ANXA6: variants seen among roughly 807,000 people sequenced by gnomAD.
ANXA6 encodes the protein 67 kDa calelectrin.
A neutral mutation model predicts 95.4 loss-of-function variants in ANXA6; 71 were observed. The ratio of observed to expected loss-of-function variants is 0.74; its 90% CI spans 0.61 to 0.91. The LOEUF is 0.91. ANXA6 is among the 40% of genes least tolerant of loss of function. The pLI, the probability that ANXA6 is intolerant of heterozygous loss-of-function variation, is 0.00. For synonymous variants in ANXA6, 289 were observed against 315.9 expected (o/e 0.91, Z 0.90); for missense variants, 830 against 876.4 (o/e 0.95, Z 0.67).
chr5:151,112,716 T>TG, intron 20 of ANXA6, among the ~76,000 whole-genome samples: 1 of 152,150 alleles, frequency 6.6e-6, no homozygotes, highest in African/African-American at 2.4e-5. Flanking sequence ...CCCAGCTACT[T>TG]GGGGGGCTGA....
intron 23 of ANXA6, among the ~76,000 whole-genome samples, chr5:151,106,630 T>A (rs1764701592): frequency 6.6e-6 from 1 of 152,184 alleles, no homozygotes; most frequent in Admixed American, 6.5e-5. Context: ...ATTTCCTATC[T>A]GCCCTTCACT....
rs1159414866 is a variant in ANXA6, at chr5:151,137,027, G to A, written c.409+204C>T. ...CTCATTATCTCATTGGCCTAAGAGA[G>A]AGGGACCCCTTTGGTTTTATCCCGA... On this transcript the variant is annotated intron_variant, in intron 6 of 25. Transcript: ENST00000354546. Among the ~76,000 whole-genome samples, 3 of 152,200 alleles carry A rather than the reference G, an allele frequency of 2.0e-5. No homozygotes were observed. In the East Asian group the frequency reaches 5.8e-4, roughly 29 times the overall value.
At chr5:151,153,332 A>G (rs1263457452) in intron 1 of ANXA6, among the ~76,000 whole-genome samples, 1 of 152,204 alleles carries the variant, frequency 6.6e-6, no homozygotes, top group Non-Finnish European at 1.5e-5. Flanking sequence ...TTCTGACTCA[A>G]CTGCTGGGGT....
intron 20 of ANXA6, 76 bp from the exon 21 acceptor site, chr5:151,110,720 G>C: frequency 6.5e-7 from 1 of 1,550,064 alleles, no homozygotes; most frequent in Non-Finnish European, 8.9e-7. Flanking sequence ...CTGGTGCTGG[G>C]GCCCTGGGGT....
Position 151,103,674 on chromosome 5 carries a change from TCTC to T in ANXA6, c.1855_1857del (p.Glu619del). The T allele has an allele frequency of 1.2e-6, 2 of 1,610,632 alleles. No homozygotes were observed. Among genetic ancestry groups the T allele is most frequent in the Non-Finnish European group, 1.7e-6 (2 of 1,178,502 alleles). ...GATACCATGATCCTGGTCAGAGTCT[TCTC>T]ATCTGTGCCAGCACCCTGGTGGAGC... On this transcript the variant is annotated inframe_deletion, in exon 25 of 26. Transcript: ENST00000354546.
Position 151,127,812 on chromosome 5 carries a change from G to A in ANXA6, c.977+369C>T, listed in dbSNP as rs568908360. 1.1e-3 allele frequency among the ~76,000 whole-genome samples: 163 copies of A among 152,302 alleles called. No homozygotes were observed. In the Middle Eastern group the frequency reaches 0.02, roughly 19 times the overall value. ...CACAAATATGCTGCATAAATGAGTAGGCAGAGCAGGAATGTGTCCTTTTCC... is the reference window on the plus strand; with the variant it reads ...CACAAATATGCTGCATAAATGAGTAAGCAGAGCAGGAATGTGTCCTTTTCC... On this transcript the variant is annotated intron_variant, in intron 13 of 25. Transcript: ENST00000354546.
intron 4 of ANXA6, 166 bp downstream of exon 4, chr5:151,139,187 A>G: frequency 1.6e-6 from 1 of 606,472 alleles, no homozygotes; most frequent in South Asian, 2.0e-5. Flanking sequence ...GGGTGTATTA[A>G]AGGCTGAAAG....
rs766326763 is a variant in ANXA6 at position 151,122,749 on chromosome 5, G to C, written c.1233+168C>G. Among the ~76,000 whole-genome samples the C allele has an allele frequency of 2.0e-5, 3 of 152,200 alleles. No individual in the cohort carries two copies. The South Asian group carries it at 6.2e-4, about 32-fold the overall frequency. The stretch of plus-strand genomic sequence containing the variant: ...AGGAACTGGGGGCATGGAAAGATAT[G>C]TCTGCCCAAACCCAGTGCTGGAGAC... On this transcript the variant is annotated intron_variant, in intron 16 of 25. Transcript: ENST00000354546.
chr5:151,113,153 C>G (rs1764897202), intron 20 of ANXA6, among the ~76,000 whole-genome samples: 1 of 152,136 alleles, frequency 6.6e-6, no homozygotes, highest in Non-Finnish European at 1.5e-5. Context: ...GTAATCTCAG[C>G]ACTTTGGGAG....
intron 2 of ANXA6, chr5:151,141,561 G>A: frequency 1.0e-6 from 1 of 985,506 alleles, no homozygotes; most frequent in Non-Finnish European, 1.2e-6. Context: ...GGAGCAGAGT[G>A]AGTCCTGGAC....
intron 19 of ANXA6, 118 bp downstream of exon 19, chr5:151,117,640 A>G (rs1254283293): frequency 3.2e-5 from 27 of 854,472 alleles, no homozygotes; most frequent in Non-Finnish European, 4.1e-5. Context: ...GTGGGGAGAC[A>G]CCCCCTCTCC....
intron 24 of ANXA6, 59 bp from the exon 25 acceptor site, chr5:151,103,751 C>T: frequency 6.5e-7 from 1 of 1,547,092 alleles, no homozygotes. Context: ...CCCAGTCAGG[C>T]AAGAAACAGT....
chr5:151,115,980 T>C (rs369493579), intron 20 of ANXA6, among the ~76,000 whole-genome samples: 11 of 152,254 alleles, frequency 7.2e-5, no homozygotes, highest in African/African-American at 2.4e-4. Context: ...AATTCTTTCA[T>C]TGAAGAGGTT....
intron 24 of ANXA6, among the ~76,000 whole-genome samples, chr5:151,104,129 C>G (rs542328393): frequency 1.3e-5 from 2 of 152,286 alleles, no homozygotes; most frequent in South Asian, 4.1e-4. Flanking sequence ...CAGGAAACAC[C>G]AAGGACTTCT....
At chr5:151,131,157 G>A in intron 11 of ANXA6, 74 bp downstream of exon 11, 1 of 1,521,774 alleles carries the variant, frequency 6.6e-7, no homozygotes, top group Non-Finnish European at 9.1e-7. Flanking sequence ...TTTGGCCACT[G>A]GATCCCAAGG....
intron 13 of ANXA6, among the ~76,000 whole-genome samples, chr5:151,127,395 T>G (rs974831789): frequency 5.9e-5 from 9 of 152,250 alleles, no homozygotes; most frequent in Non-Finnish European, 1.0e-4. Flanking sequence ...TTTAACATTC[T>G]GGGAAGAGGC....
intron 4 of ANXA6, 122 bp from the exon 5 acceptor site, chr5:151,138,913 A>T (rs1393225868): frequency 2.8e-6 from 2 of 722,816 alleles, no homozygotes; most frequent in Non-Finnish European, 4.9e-6. Flanking sequence ...TCATTAAATC[A>T]TCACCCTTGG....
At chr5:151,147,713 C>T (rs1766006524) in intron 2 of ANXA6, among the ~76,000 whole-genome samples, 171 bp downstream of exon 2, 1 of 152,134 alleles carries the variant, frequency 6.6e-6, no homozygotes, top group Non-Finnish European at 1.5e-5. Context: ...TTATGGTGAC[C>T]TGCATCTGAA....
At chr5:151,122,025 T>A (rs1330908335) in intron 17 of ANXA6, 122 bp downstream of exon 17, 5 of 573,700 alleles carry the variant, frequency 8.7e-6, no homozygotes, top group Middle Eastern at 4.5e-4. Context: ...TTTATGCCAG[T>A]TTGAACTGAG....
Sources: allele counts gnomAD v4.1 joint callset (sites outside exome capture counted in the v4.1 genomes callset), GRCh38; gene constraint gnomAD v4.1.1; transcripts MANE v1.5; gene names NCBI Gene and HGNC (gene_info 2026-07-23, HGNC 2026-07-21).